Variants in PKD2L2 observed in about 807,000 individuals in gnomAD.
The protein encoded by PKD2L2 is polycystin 2 like 2, transient receptor potential cation channel.
PKD2L2 carries 67 observed loss-of-function variants against 83.9 expected under a neutral mutation model. The ratio of observed to expected loss-of-function variants is 0.80; its 90% confidence interval spans 0.66 to 0.98. PKD2L2 has a LOEUF of 0.98. Among genes scored for constraint, PKD2L2 ranks in the 50% least tolerant of loss-of-function variants. The pLI, the probability that PKD2L2 is intolerant of heterozygous loss-of-function variation, is 0.00. For missense variants in PKD2L2, 632 were observed against 717.2 expected, an observed-to-expected ratio of 0.88 and a Z score of 1.36; for synonymous variants, 223 against 237.8, an observed-to-expected ratio of 0.94 and a Z score of 0.57.
intron 8 of PKD2L2, among the ~76,000 whole-genome samples, chr5:137,913,027 C>CTCTTGACCTCAGGTGA (rs1757983710): frequency 6.6e-6 from 1 of 151,064 alleles, no homozygotes; most frequent in Non-Finnish European, 1.5e-5. Flanking sequence ...CGGTCTCAAA[C>CTCTTGACCTCAGGTGA]TCCCGGCCTT....
chr5:137,916,631 C>A (rs947942778), intron 8 of PKD2L2, among the ~76,000 whole-genome samples: 1 of 151,768 alleles, frequency 6.6e-6, no homozygotes, highest in African/African-American at 2.4e-5. Context: ...AGATGCGCAC[C>A]ACCACACCCG....
At chr5:137,916,781 CCT>C (rs1758397418) in intron 8 of PKD2L2, among the ~76,000 whole-genome samples, 1 of 151,962 alleles carries the variant, frequency 6.6e-6, no homozygotes, top group African/African-American at 2.4e-5. Flanking sequence ...CTGGCTGCCA[CCT>C]TTTTTTTTCT....
At chr5:137,930,372 G>A (rs1759764494) in intron 12 of PKD2L2, among the ~76,000 whole-genome samples, 2 of 151,996 alleles carry the variant, frequency 1.3e-5, no homozygotes, top group Non-Finnish European at 2.9e-5. Context: ...TAAATGACTC[G>A]AGTCAAAGAA....
At chr5:137,914,051 T>C (rs1758101464) in intron 8 of PKD2L2, among the ~76,000 whole-genome samples, 1 of 130,148 alleles carries the variant, frequency 7.7e-6, no homozygotes, top group Non-Finnish European at 1.6e-5. Flanking sequence ...TTTTTTTTTT[T>C]TTTTTTTTTT....
At chr5:137,927,397 T>TC (rs1377019212) in intron 12 of PKD2L2, among the ~76,000 whole-genome samples, 1 of 152,180 alleles carries the variant, frequency 6.6e-6, no homozygotes, top group Non-Finnish European at 1.5e-5. Context: ...TTCAAAAGTG[T>TC]CAAGTCATGA....
intron 8 of PKD2L2, among the ~76,000 whole-genome samples, chr5:137,917,629 A>G (rs1758498460): frequency 6.6e-6 from 1 of 150,750 alleles, no homozygotes; most frequent in Non-Finnish European, 1.5e-5. Flanking sequence ...GTTTCTTTTT[A>G]GGTTTTCTCT....
At chr5:137,906,877 G>T (rs943143043) in intron 6 of PKD2L2, among the ~76,000 whole-genome samples, 1 of 152,296 alleles carries the variant, frequency 6.6e-6, no homozygotes, top group East Asian at 1.9e-4. Flanking sequence ...AATACTGACA[G>T]GGGTGAGCAG....
chr5:137,916,929 GA>G (rs1758411893), intron 8 of PKD2L2, among the ~76,000 whole-genome samples: 1 of 152,072 alleles, frequency 6.6e-6, no homozygotes, highest in Non-Finnish European at 1.5e-5. Flanking sequence ...TTTTGAGTTT[GA>G]CTATAATGTG....
chr5:137,916,920 T>C (rs1166098655), intron 8 of PKD2L2, among the ~76,000 whole-genome samples: 1 of 152,138 alleles, frequency 6.6e-6, no homozygotes, highest in African/African-American at 2.4e-5. Flanking sequence ...GTCTTTGGCT[T>C]TTGAGTTTGA....
intron 9 of PKD2L2, among the ~76,000 whole-genome samples, chr5:137,922,486 C>G (rs986427993): frequency 6.6e-6 from 1 of 152,210 alleles, no homozygotes; most frequent in Admixed American, 6.5e-5. Flanking sequence ...ACCTACAATC[C>G]TTGCACTTTG....
chr5:137,902,175 C>T (rs145639707), intron 5 of PKD2L2, among the ~76,000 whole-genome samples: 4 of 152,010 alleles, frequency 2.6e-5, no homozygotes, highest in East Asian at 3.9e-4. Flanking sequence ...AGAAGGGTTC[C>T]GATTATTCAA....
intron 12 of PKD2L2, among the ~76,000 whole-genome samples, chr5:137,931,185 T>C (rs553542193): frequency 5.3e-5 from 8 of 152,156 alleles, no homozygotes; most frequent in Non-Finnish European, 1.0e-4. Context: ...AACAAATCCA[T>C]TCTGTAGAAG....
chr5:137,922,482 A>G (rs1449201710), intron 9 of PKD2L2, among the ~76,000 whole-genome samples: 1 of 152,184 alleles, frequency 6.6e-6, no homozygotes, highest in Admixed American at 6.5e-5. Context: ...TCACACCTAC[A>G]ATCCTTGCAC....
At chr5:137,921,804 A>T in intron 9 of PKD2L2, 48 bp downstream of exon 9, 2 of 1,365,882 alleles carry the variant, frequency 1.5e-6, no homozygotes, top group South Asian at 2.5e-5. Context: ...TAGAATAAAA[A>T]GTAAAATTAC....
At chr5:137,926,875 G>A (rs1759421436) in intron 12 of PKD2L2, among the ~76,000 whole-genome samples, 1 of 152,154 alleles carries the variant, frequency 6.6e-6, no homozygotes, top group Non-Finnish European at 1.5e-5. Context: ...GGCCGACTGT[G>A]AGACTTGAGT....
At chr5:137,913,628 C>G (rs1410826748) in intron 8 of PKD2L2, among the ~76,000 whole-genome samples, 2 of 151,174 alleles carry the variant, frequency 1.3e-5, no homozygotes, top group African/African-American at 4.9e-5. Context: ...GTAGCTGGGA[C>G]TATAGGCACA....
In PKD2L2 at chr5:137,939,820, G is replaced by C; in HGVS notation, c.*18-2564G>C. On this transcript the variant is annotated intron_variant, in intron 14 of 14. Coordinates refer to ENST00000508883, the MANE Select transcript of PKD2L2 (RefSeq NM_001300921.2). ...GTCATTCTGTAAGAAAAAGGCAACA[G>C]AAGAATTCAGTATGAAGATTTTCCT... 2.4e-6 allele frequency: 3 copies of C among 1,252,494 alleles called. 1 individual carries two copies. In the Admixed American group the frequency reaches 1.2e-4, roughly 49 times the overall value. 77.6% of individuals were successfully genotyped at this position (1,252,494 alleles called of 1,614,324 possible).
chr5:137,907,524 G>T (rs1357320862), intron 6 of PKD2L2, among the ~76,000 whole-genome samples: 1 of 152,096 alleles, frequency 6.6e-6, no homozygotes, highest in Admixed American at 6.5e-5. Flanking sequence ...AGGTTAGGAT[G>T]GCCAAGCAAT....
At chr5:137,940,944 C>T (rs1475005984) in intron 14 of PKD2L2, among the ~76,000 whole-genome samples, 1 of 152,180 alleles carries the variant, frequency 6.6e-6, no homozygotes, top group African/African-American at 2.4e-5. Context: ...CTTGCTCTGT[C>T]GCCCAGGCTG....
Sources: allele counts gnomAD v4.1 joint callset (sites outside exome capture counted in the v4.1 genomes callset), GRCh38; gene constraint gnomAD v4.1.1; transcripts MANE v1.5; gene names NCBI Gene and HGNC (gene_info 2026-07-23, HGNC 2026-07-21).